The following NHERF4 variants were observed in gnomAD, a reference collection of about 807,000 sequenced individuals.
NHERF4 encodes Na(+)/H(+) exchange regulatory cofactor NHE-RF4.
At chr11:119,185,852 ATG>A in the NHERF4 span, 1 of 1,601,436 alleles carries the variant, frequency 6.2e-7, no homozygotes. Context: ...CTTTTAGTTT[ATG>A]CCAATGGAAG....
the NHERF4 span, chr11:119,188,801 G>A: frequency 3.1e-6 from 5 of 1,614,198 alleles, no homozygotes; most frequent in Admixed American, 3.3e-5. Context: ...TGTACCCTGG[G>A]CCTGGTGGCA....
At chr11:119,188,666 G>A in the NHERF4 span, 2 of 1,614,156 alleles carry the variant, frequency 1.2e-6, no homozygotes, top group Non-Finnish European at 1.7e-6. Context: ...TCCTCTTCTT[G>A]GAGAACACAG....
At chr11:119,188,033 CT>C in the NHERF4 span, 8 of 1,557,194 alleles carry the variant, frequency 5.1e-6, no homozygotes, top group Non-Finnish European at 6.1e-6. Context: ...GGCTGCACCC[CT>C]GGCAGAGGGC....
chr11:119,188,747 C>T, the NHERF4 span: 1 of 1,614,216 alleles, frequency 6.2e-7, no homozygotes, highest in Non-Finnish European at 8.5e-7. Flanking sequence ...CACTTGAAGA[C>T]ACAAGCGTGC....
chr11:119,187,140 C>CAAAAAAAAAAAAAAA, the NHERF4 span: 1 of 507,442 alleles, frequency 2.0e-6, no homozygotes, highest in Non-Finnish European at 3.0e-6. Context: ...AACTCCATCT[C>CAAAAAAAAAAAAAAA]AAAAAAAAAA....
chr11:119,188,497 C>T, the NHERF4 span: 1 of 1,607,278 alleles, frequency 6.2e-7, no homozygotes, highest in Non-Finnish European at 8.5e-7. Flanking sequence ...AGGGGCAGGG[C>T]TCCTGTGTCT....
chr11:119,186,455 T>C, the NHERF4 span: 1 of 1,613,390 alleles, frequency 6.2e-7, no homozygotes, highest in South Asian at 1.1e-5. This position sits in a 1 kb window ranked among gnomAD's most constrained non-coding sequence, Gnocchi z 4.4. Flanking sequence ...CTCCCCCTTT[T>C]CTGCTGCCCA....
chr11:119,187,923 C>T, the NHERF4 span: 3 of 1,533,796 alleles, frequency 2.0e-6, no homozygotes, highest in South Asian at 3.7e-5. Flanking sequence ...TACTGATGCC[C>T]TGCTGGGTCC....
the NHERF4 span, chr11:119,189,972 G>T: frequency 8.7e-5 from 31 of 357,982 alleles, no homozygotes; most frequent in Non-Finnish European, 1.3e-4. The surrounding 1 kb of genome is among the most constrained non-coding windows in gnomAD (Gnocchi z 5.8). Context: ...TGTTTGTGTT[G>T]GTGGGGGTAA....
At chr11:119,188,188 G>A in the NHERF4 span, 1 of 1,515,504 alleles carries the variant, frequency 6.6e-7, no homozygotes, top group South Asian at 1.3e-5. Context: ...TGGGCCTTGG[G>A]GTGGGCACAC....
At chr11:119,188,295 G>T in the NHERF4 span, 1 of 1,604,246 alleles carries the variant, frequency 6.2e-7, no homozygotes, top group Non-Finnish European at 8.5e-7. Flanking sequence ...TCAGTCCCCT[G>T]GTGTGTACAC....
chr11:119,187,256 T>C, the NHERF4 span: 1 of 1,577,164 alleles, frequency 6.3e-7, no homozygotes, highest in South Asian at 1.2e-5. Context: ...CACGCCCACG[T>C]GCCCTCTGTC....
At chr11:119,186,687 G>A in the NHERF4 span, 12 of 1,601,580 alleles carry the variant, frequency 7.5e-6, no homozygotes, top group Non-Finnish European at 1.0e-5. This position sits in a 1 kb window ranked among gnomAD's most constrained non-coding sequence, Gnocchi z 4.4. Flanking sequence ...AAGACTATGC[G>A]GTGGTAAGGC....
At chr11:119,188,237 C>A in the NHERF4 span, 5 of 1,558,790 alleles carry the variant, frequency 3.2e-6, no homozygotes, top group Non-Finnish European at 4.3e-6. Context: ...AAGAGGTGTC[C>A]CTGTCTGAGC....
At chr11:119,185,628 G>A in the NHERF4 span, 2 of 989,694 alleles carry the variant, frequency 2.0e-6, no homozygotes, top group Non-Finnish European at 3.2e-6. Context: ...CCCTGAGGCA[G>A]GTAAACAAGT....
At chr11:119,185,491 A>G in the NHERF4 span, 1 of 1,614,096 alleles carries the variant, frequency 6.2e-7, no homozygotes, top group Non-Finnish European at 8.5e-7. Context: ...TTGCTGATCC[A>G]GCTATGGAGA....
chr11:119,188,158 C>G, the NHERF4 span: 1 of 1,526,988 alleles, frequency 6.5e-7, no homozygotes, highest in Non-Finnish European at 8.8e-7. Flanking sequence ...AGTGGGAGCC[C>G]TGGGGGCGGT....
the NHERF4 span, chr11:119,188,133 AC>A: frequency 9.7e-6 from 15 of 1,543,256 alleles, no homozygotes; most frequent in Admixed American, 2.4e-4. Flanking sequence ...AAGGGCCTTG[AC>A]GGTCGCCCTG....
chr11:119,189,136 C>T, the NHERF4 span: 2 of 1,613,880 alleles, frequency 1.2e-6, no homozygotes, highest in Non-Finnish European at 1.7e-6. The surrounding 1 kb of genome is among the most constrained non-coding windows in gnomAD (Gnocchi z 5.8). Context: ...CTGAGCCACC[C>T]CTCTGCCTGA....
Sources: gnomAD v4.1 joint callset for allele counts on GRCh38, gnomAD v4.1.1 for gene constraint, Gnocchi (gnomAD v3.1) non-coding constraint, MANE v1.5 for transcripts, NCBI Gene and HGNC (gene_info 2026-07-23, HGNC 2026-07-21) for gene names.